The following FBXW7 variants were observed in gnomAD, a reference collection of about 807,000 sequenced individuals.
The protein encoded by FBXW7 is F-box and WD repeat domain containing 7.
In FBXW7, 11 loss-of-function variants were observed where a neutral mutation model predicts 86.3. The ratio of observed to expected loss-of-function variants is 0.13; its 90% CI spans 0.08 to 0.21. The LOEUF (loss-of-function observed/expected upper bound fraction) is 0.21. Among genes scored for constraint, FBXW7 ranks in the 10% least tolerant of loss-of-function variants. The pLI is 1.00. For synonymous variants in FBXW7, 313 were observed against 297.9 expected, an observed-to-expected ratio of 1.05 and a Z score of -0.52; for missense variants, 488 against 847.4, an observed-to-expected ratio of 0.58 and a Z score of 5.27.
intron 2 of FBXW7, among the ~76,000 whole-genome samples, chr4:152,447,846 C>CGAATGTGAG (rs1160788546): frequency 1.3e-5 from 2 of 152,246 alleles, no homozygotes; most frequent in Admixed American, 1.3e-4. Flanking sequence ...ATGAAATCTA[C>CGAATGTGAG]GAATGTGAGG....
At chr4:152,494,632 C>T (rs536032007) in intron 2 of FBXW7, among the ~76,000 whole-genome samples, 33 of 152,144 alleles carry the variant, frequency 2.2e-4, no homozygotes, top group African/African-American at 6.7e-4. Flanking sequence ...TTGAGGAGAT[C>T]AGGGAAATAA....
intron 2 of FBXW7, among the ~76,000 whole-genome samples, chr4:152,460,524 T>A (rs535021458): frequency 1.3e-5 from 2 of 152,322 alleles, no homozygotes; most frequent in Non-Finnish European, 2.9e-5. Flanking sequence ...CTGGTGAAAA[T>A]TTCCCAGTTT....
chr4:152,515,040 G>A (rs1748348144), intron 2 of FBXW7, among the ~76,000 whole-genome samples: 1 of 152,162 alleles, frequency 6.6e-6, no homozygotes, highest in Non-Finnish European at 1.5e-5. Flanking sequence ...GTTTAAGAGA[G>A]CCAACTCTGG....
intron 2 of FBXW7, among the ~76,000 whole-genome samples, chr4:152,523,688 T>C (rs1749232719): frequency 6.6e-6 from 1 of 152,160 alleles, no homozygotes; most frequent in African/African-American, 2.4e-5. Context: ...TGCCCCTACC[T>C]CCAAACACTC....
chr4:152,323,923 C>T (rs1728778605), intron 13 of FBXW7: 2 of 366,740 alleles, frequency 5.5e-6, no homozygotes, highest in African/African-American at 4.2e-5. Context: ...TCTTTCTTCT[C>T]ACTGTTCTTA....
intron 2 of FBXW7, among the ~76,000 whole-genome samples, chr4:152,424,176 C>T (rs1271221958): frequency 2.0e-5 from 3 of 152,012 alleles, no homozygotes; most frequent in African/African-American, 7.2e-5. Context: ...CAGGAAGCTG[C>T]TTATTTTAAA....
chr4:152,425,838 AC>A (rs1739332216), intron 2 of FBXW7, among the ~76,000 whole-genome samples: 1 of 151,926 alleles, frequency 6.6e-6, no homozygotes, highest in Admixed American at 6.6e-5. Flanking sequence ...CTAATAGGAA[AC>A]CCCCACATAA....
At chr4:152,356,241 A>G (rs1732375123) in intron 4 of FBXW7, among the ~76,000 whole-genome samples, 1 of 152,180 alleles carries the variant, frequency 6.6e-6, no homozygotes, top group African/African-American at 2.4e-5. Context: ...GGGCATCCAG[A>G]AAATGATACA....
chr4:152,373,787 T>C (rs937826489), intron 4 of FBXW7, among the ~76,000 whole-genome samples: 8 of 152,072 alleles, frequency 5.3e-5, no homozygotes, highest in Non-Finnish European at 1.2e-4. Context: ...GGTTTGTTTG[T>C]AGTTTTATCA....
chr4:152,445,788 T>C (rs1741317233), intron 2 of FBXW7, among the ~76,000 whole-genome samples: 1 of 151,884 alleles, frequency 6.6e-6, no homozygotes, highest in South Asian at 2.1e-4. Flanking sequence ...CAGGTGCCTG[T>C]AATCCCAGCT....
chr4:152,504,204 A>T (rs1287484381), intron 2 of FBXW7, among the ~76,000 whole-genome samples: 1 of 152,178 alleles, frequency 6.6e-6, no homozygotes, highest in Non-Finnish European at 1.5e-5. Context: ...AAGAAAAAGT[A>T]AAATAAAAAG....
rs531898814 is a variant in FBXW7 at position 152,495,203 on chromosome 4, C to T, written c.-120+39738G>A. On this transcript the variant is annotated intron_variant, in intron 2 of 13. Transcript: ENST00000281708. ...ATCCTAGCACTTTGGGAGGCCAAGA[C>T]AGGCAGATCACCTGAGGTCAGGAGT... is the stretch of plus-strand genomic sequence containing the variant. Among the ~76,000 whole-genome samples the T allele has an allele frequency of 3.5e-4, 53 of 152,204 alleles. No homozygotes were observed. The South Asian group carries it at 0.01, about 29-fold the overall frequency.
intron 2 of FBXW7, among the ~76,000 whole-genome samples, chr4:152,455,302 A>ATTGT (rs1319357277): frequency 6.6e-6 from 1 of 152,192 alleles, no homozygotes; most frequent in Non-Finnish European, 1.5e-5. Context: ...GAATTCAGGT[A>ATTGT]AACTTTCTGT....
At chr4:152,392,177 G>A (rs1300029690) in intron 4 of FBXW7, among the ~76,000 whole-genome samples, 1 of 152,072 alleles carries the variant, frequency 6.6e-6, no homozygotes, top group Non-Finnish European at 1.5e-5. Context: ...TGCTCTTCTT[G>A]CAAGGTGACT....
chr4:152,481,739 G>A (rs1560951779), intron 2 of FBXW7, among the ~76,000 whole-genome samples: 1 of 152,204 alleles, frequency 6.6e-6, no homozygotes, highest in East Asian at 1.9e-4. Context: ...CACTGCAGAT[G>A]TGATAGAAAT....
intron 10 of FBXW7, 94 bp downstream of exon 10, chr4:152,329,578 C>A: frequency 1.7e-6 from 1 of 594,432 alleles, no homozygotes; most frequent in Admixed American, 3.5e-5. Flanking sequence ...AACTAAGAAT[C>A]AAAAATGAAT....
At chr4:152,440,500 C>T (rs1740793394) in intron 2 of FBXW7, among the ~76,000 whole-genome samples, 1 of 152,048 alleles carries the variant, frequency 6.6e-6, no homozygotes, top group Admixed American at 6.5e-5. Flanking sequence ...CAAACTCTAA[C>T]CAAAATTTAA....
intron 2 of FBXW7, among the ~76,000 whole-genome samples, chr4:152,447,811 T>A (rs1238690837): frequency 6.6e-6 from 1 of 152,206 alleles, no homozygotes; most frequent in East Asian, 1.9e-4. Flanking sequence ...ACCATCATTC[T>A]AATTACAGCT....
intron 4 of FBXW7, among the ~76,000 whole-genome samples, chr4:152,398,102 C>T (rs943094376): frequency 3.3e-5 from 5 of 151,814 alleles, no homozygotes; most frequent in African/African-American, 1.2e-4. Flanking sequence ...CTAGGTATCC[C>T]ACATATTATC....
Sources: gnomAD v4.1 joint callset for allele counts (sites outside exome capture counted in the v4.1 genomes callset) on GRCh38, gnomAD v4.1.1 for gene constraint, MANE v1.5 for transcripts, NCBI Gene and HGNC (gene_info 2026-07-23, HGNC 2026-07-21) for gene names.